CHD3: variants seen among roughly 807,000 people sequenced by gnomAD.
The protein encoded by CHD3 is chromodomain helicase DNA binding protein 3.
In CHD3, 52 loss-of-function variants were observed where a neutral mutation model predicts 248.9. The observed-to-expected ratio is 0.21, with a 90% CI of 0.17 to 0.26. CHD3 has a LOEUF of 0.26. Among genes scored for constraint, CHD3 ranks in the 10% least tolerant of loss-of-function variants. CHD3 has a pLI of 1.00. For missense variants in CHD3, 1,482 were observed against 2,605.8 expected, an observed-to-expected ratio of 0.57 and a Z score of 9.39; for synonymous variants, 985 against 985.2, an observed-to-expected ratio of 1.00 and a Z score of 0.00.
At chr17:7,896,206 C>A (rs939687083) in intron 10 of CHD3, among the ~76,000 whole-genome samples, 1 of 124,906 alleles carries the variant, frequency 8.0e-6, no homozygotes, top group African/African-American at 3.3e-5. Context: ...TCAGCCTGGG[C>A]GACAGAGCGA....
chr17:7,888,193 C>A (rs1016740850), upstream of CHD3, among the ~76,000 whole-genome samples: 1 of 152,196 alleles, frequency 6.6e-6, no homozygotes, highest in Non-Finnish European at 1.5e-5. Context: ...CAGCCACCCC[C>A]CTGCACACAC....
chr17:7,901,503 AGTTTT>A, intron 20 of CHD3, 128 bp downstream of exon 20: 1 of 279,550 alleles, frequency 3.6e-6, no homozygotes, highest in Non-Finnish European at 5.9e-6. Context: ...CTCCTGTAAG[AGTTTT>A]TTTTTTTTTT....
rs1193842515 is a variant in CHD3, at chr17:7,906,974, A to T, written c.4609A>T (p.Thr1537Ser). The T allele has an allele frequency of 6.2e-7, 1 of 1,613,854 alleles. No homozygotes were observed. The highest frequency in any genetic ancestry group is 1.7e-5 in the Admixed American group (1 of 59,990). ...RSSRASSPTK[T>S]SPTTPEASAT... ...CTCCAGAGCCTCCTCTCCTACCAAA[A>T]CGTCTCCCACCACTCCTGAGGCTTC... The change falls in exon 30 of 40, where the codon ACG becomes TCG. Residue 1537 changes from threonine (T) to serine (S), a missense_variant. Thr to Ser is a moderately conservative substitution (Grantham distance 58, BLOSUM62 1). Transcript: ENST00000330494. The surrounding 1 kb of genome is among the most constrained non-coding windows in gnomAD (Gnocchi z 5.0).
chr17:7,894,404 G>A lies in CHD3; in HGVS notation c.1076-11G>A, dbSNP rs201826381. 5 of 1,607,600 alleles carry A rather than the reference G, an allele frequency of 3.1e-6. No homozygotes were observed. The highest frequency in any genetic ancestry group is 2.6e-6 in the Non-Finnish European group (3 of 1,175,444). On this transcript the variant is annotated splice_polypyrimidine_tract_variant and intron_variant, in intron 7 of 39. Coordinates refer to ENST00000330494, the MANE Select transcript of CHD3 (RefSeq NM_001005273.3). ...CCTGCTTCCTTATCCCTCCACCGGG[G>A]TATATGACAGTCCTGGGCTGTCCTG...
At chr17:7,884,848 GAT>G, upstream of CHD3, 9 of 1,115,710 alleles carry the variant, frequency 8.1e-6, no homozygotes, top group East Asian at 3.2e-5. Flanking sequence ...AGGAGGAGGA[GAT>G]GGTGGTGTCG....
rs1314339346 is a variant in CHD3 at position 7,909,114 on chromosome 17, A to G, written c.5395-29A>G. ...CCTCACCCACTGCTGGCAGAGCCCT[A>G]CCTTCACCTCCCAACTCTGTGCCCT... is the stretch of plus-strand genomic sequence containing the variant. On this transcript the variant is annotated intron_variant, in intron 36 of 39. Transcript: ENST00000330494. This position sits in a 1 kb window ranked among gnomAD's most constrained non-coding sequence, Gnocchi z 8.1. 1 of 1,550,930 alleles carries G rather than the reference A, an allele frequency of 6.4e-7. No individual in the cohort carries two copies. The highest frequency in any genetic ancestry group is 8.7e-7 in the Non-Finnish European group (1 of 1,147,816).
Position 7,910,510 on chromosome 17 carries a change from C to G in CHD3, c.5673C>G (p.Pro1891=), listed in dbSNP as rs1027902043. 4.3e-6 allele frequency: 7 copies of G among 1,613,912 alleles called. No individual in the cohort carries two copies. The African/African-American group carries it at 9.3e-5, about 22-fold the overall frequency. ...RLPATLSRIP[P]IAARLQMSER... is the part of the protein sequence containing the mutation. ...CAGCCACGCTGTCCCGAATACCCCC[C>G]ATCGCAGCCCGCCTTCAGATGTCCG... Residue 1891 remains proline, a synonymous_variant, in exon 38 of 40, where the codon CCC becomes CCG. Transcript: ENST00000330494. The surrounding 1 kb of genome is among the most constrained non-coding windows in gnomAD (Gnocchi z 4.7).
intron 4 of CHD3, among the ~76,000 whole-genome samples, 171 bp from the exon 5 acceptor site, chr17:7,893,115 T>C (rs1348325792): frequency 6.6e-6 from 1 of 152,088 alleles, no homozygotes; most frequent in Non-Finnish European, 1.5e-5. Context: ...CTTTCCCCGC[T>C]TTTTTTAAAC....
chr17:7,903,186 C>A lies in CHD3; in HGVS notation c.3496-86C>A. ...GGGAGGAGAGAAGGCCCTTCTTCAG[C>A]AGCCTTCTTTCCTGAGGCAGCTCTA... On this transcript the variant is annotated intron_variant, in intron 22 of 39. Transcript: ENST00000330494. The surrounding 1 kb of genome is among the most constrained non-coding windows in gnomAD (Gnocchi z 6.8). 6.4e-7 allele frequency: 1 copy of A among 1,564,902 alleles called. No homozygotes were observed. The highest frequency in any genetic ancestry group is 1.7e-5 in the Admixed American group (1 of 59,076).
intron 4 of CHD3, 82 bp from the exon 5 acceptor site, chr17:7,893,204 A>G: frequency 6.8e-7 from 1 of 1,471,920 alleles, no homozygotes. Context: ...TAGCATGTAC[A>G]TAGATTTAAT....
At position 7,909,085 on chromosome 17, in the gene CHD3, A is replaced by T; in HGVS notation, c.5395-58A>T. On this transcript the variant is annotated intron_variant, in intron 36 of 39. Coordinates refer to ENST00000330494, the MANE Select transcript of CHD3 (RefSeq NM_001005273.3). The surrounding 1 kb of genome is among the most constrained non-coding windows in gnomAD (Gnocchi z 8.1). ...GGTCTCTTGCTATGTCCGCCCCCCC[A>T]GCCCCTCACCCACTGCTGGCAGAGC... is the stretch of plus-strand genomic sequence containing the variant. The T allele has an allele frequency of 6.5e-7, 1 of 1,545,718 alleles. No individual in the cohort carries two copies.
Position 7,905,511 on chromosome 17 carries a change from C to A in CHD3, c.4139-110C>A. On this transcript the variant is annotated intron_variant, in intron 26 of 39. Coordinates refer to ENST00000330494, the MANE Select transcript of CHD3 (RefSeq NM_001005273.3). The surrounding 1 kb of genome is among the most constrained non-coding windows in gnomAD (Gnocchi z 5.8). ...GGGAGAGAATTGGGAGCACCTCAAA[C>A]GTGACAGGAATGTTCCTGTGTTGTG... 1.2e-6 allele frequency: 1 copy of A among 829,028 alleles called. No individual in the cohort carries two copies. Among genetic ancestry groups the A allele is most frequent in the Non-Finnish European group, 1.9e-6 (1 of 531,392 alleles). 51.4% of individuals were successfully genotyped at this position (829,028 alleles called of 1,614,324 possible). A position where few individuals can be genotyped will look rare whatever the true frequency, so the allele number is the denominator to read the frequency against.
Position 7,906,526 on chromosome 17 carries a change from C to CTA in CHD3, c.4359-27_4359-26insTA, listed in dbSNP as rs1441503902. The CTA allele has an allele frequency of 6.2e-7, 1 of 1,613,062 alleles. No homozygotes were observed. Among genetic ancestry groups the CTA allele is most frequent in the South Asian group, 1.1e-5 (1 of 91,034 alleles). ...TATACCCCTTCTGTGGCTCCCCTAA[C>CTA]CCTCCTCCCACTCCCATGCTCCTTA... On this transcript the variant is annotated intron_variant, in intron 28 of 39. Transcript: ENST00000330494. This position sits in a 1 kb window ranked among gnomAD's most constrained non-coding sequence, Gnocchi z 5.0.
upstream of CHD3, among the ~76,000 whole-genome samples, chr17:7,888,382 C>T (rs1015495503): frequency 2.0e-5 from 3 of 152,204 alleles, no homozygotes; most frequent in Admixed American, 1.3e-4. Flanking sequence ...GATTGTGTGT[C>T]CTAGAGCTAG....
rs1597915617 is a variant in CHD3 at position 7,889,667 on chromosome 17, A to G, written c.104A>G (p.Lys35Arg). 6.2e-7 allele frequency: 1 copy of G among 1,611,426 alleles called. No homozygotes were observed. The highest frequency in any genetic ancestry group is 1.3e-5 in the African/African-American group (1 of 74,926). Reference sequence around the variant, plus strand: ...TCTGATGCTTTTTGCTTCAAAGATAAGGATGACATTCGGCTGCTGCCGTCA... The same window carrying G: ...TCTGATGCTTTTTGCTTCAAAGATAGGGATGACATTCGGCTGCTGCCGTCA... ...GLCWGDRMPD[K>R]DDIRLLPSAL... Residue 35 changes from lysine (K) to arginine (R), a missense_variant, in exon 2 of 40, where the codon AAG becomes AGG. Transcript: ENST00000330494. This position sits in a 1 kb window ranked among gnomAD's most constrained non-coding sequence, Gnocchi z 4.5.
upstream of CHD3, among the ~76,000 whole-genome samples, chr17:7,888,549 G>A (rs1968349352): frequency 1.3e-5 from 2 of 152,094 alleles, no homozygotes; most frequent in African/African-American, 4.8e-5. Flanking sequence ...CTTTATGTGG[G>A]GTAACTCTCC....
upstream of CHD3, chr17:7,884,941 G>C (rs761949187): frequency 6.4e-6 from 9 of 1,396,094 alleles, no homozygotes; most frequent in East Asian, 6.0e-5. Context: ...ACGATGAGGA[G>C]GACGACGACG....
intron 6 of CHD3, 55 bp downstream of exon 6, chr17:7,893,990 G>A: frequency 6.4e-7 from 1 of 1,570,294 alleles, no homozygotes; most frequent in Non-Finnish European, 8.6e-7. Flanking sequence ...TCCAGAGACA[G>A]GGATCCGTGA....
At position 7,910,467 on chromosome 17, in the gene CHD3, C is replaced by T; in HGVS notation, c.5630C>T (p.Ala1877Val). Reference sequence around the variant, plus strand: ...GAGGAGTTGCTGAGCGACATGAAGGCGGACGTGACCCGCCTGCCAGCCACG... The same window carrying T: ...GAGGAGTTGCTGAGCGACATGAAGGTGGACGTGACCCGCCTGCCAGCCACG... Reference protein sequence around the residue: ...QLEELLSDMKADVTRLPATLS... With the variant: ...QLEELLSDMKVDVTRLPATLS... Residue 1877 changes from alanine (A) to valine (V), a missense_variant, in exon 38 of 40, where the codon GCG (alanine) becomes GTG (valine). By Grantham distance (64) the Ala-to-Val change is moderately conservative. This residue lies in a region of CHD3 where 83 missense variants were observed against 181.0 expected (regional missense o/e 0.46). Coordinates refer to ENST00000330494, the MANE Select transcript of CHD3 (RefSeq NM_001005273.3). This position sits in a 1 kb window ranked among gnomAD's most constrained non-coding sequence, Gnocchi z 4.7. 1.2e-6 allele frequency: 2 copies of T among 1,614,078 alleles called. No individual in the cohort carries two copies. The highest frequency in any genetic ancestry group is 2.2e-5 in the East Asian group (1 of 44,874).
Sources: allele counts gnomAD v4.1 joint callset (sites outside exome capture counted in the v4.1 genomes callset), GRCh38; gene constraint gnomAD v4.1.1; regional missense constraint gnomAD v4.1.1; non-coding constraint Gnocchi (gnomAD v3.1); transcripts MANE v1.5; gene names NCBI Gene and HGNC (gene_info 2026-07-23, HGNC 2026-07-21).